Variants in LEMD1 observed in about 807,000 individuals in gnomAD.
LEMD1 encodes LEM domain-containing protein 1.
Under a neutral mutation model 17.4 loss-of-function variants are expected in LEMD1, and 18 were observed. That is an observed-to-expected ratio of 1.04 (90% CI 0.72 to 1.54). LEMD1 has a LOEUF of 1.54. Ranked by LOEUF, LEMD1 falls within the 40% of genes most tolerant of loss-of-function variation. LEMD1 has a pLI of 0.00. For missense variants in LEMD1, 195 were observed against 210.4 expected (o/e 0.93, Z 0.45); for synonymous variants, 88 against 77.8 (o/e 1.13, Z -0.69).
chr1:205,441,974 A>G lies in LEMD1; in HGVS notation c.-39+7894T>C, dbSNP rs1666300263. On this transcript the variant is annotated intron_variant, in intron 1 of 3. Coordinates refer to the LEMD1 transcript ENST00000367154. The surrounding 1 kb of genome is among the most constrained non-coding windows in gnomAD (Gnocchi z 4.3). ...TTCAGGAGCTCAGCTTCAGTCTGCA[A>G]GAGTATCCCTTTCTCCAAAGGCTCA... Among the ~76,000 whole-genome samples, 1 of 152,174 alleles carries G rather than the reference A, an allele frequency of 6.6e-6. No homozygotes were observed. The highest frequency in any genetic ancestry group is 2.1e-4 in the South Asian group (1 of 4,834).
chr1:205,389,170 T>G (rs1558708127), intron 4 of LEMD1, among the ~76,000 whole-genome samples: 1 of 145,468 alleles, frequency 6.9e-6, no homozygotes, highest in Non-Finnish European at 1.5e-5. Context: ...TGCCTCAGCC[T>G]CCCGAGTAGC....
intron 1 of LEMD1, among the ~76,000 whole-genome samples, chr1:205,439,799 G>A (rs920626555): frequency 6.6e-6 from 1 of 152,122 alleles, no homozygotes; most frequent in Non-Finnish European, 1.5e-5. Flanking sequence ...TCTAGCCCCG[G>A]AGAACTCCAG....
chr1:205,445,626 C>T (rs528340478), intron 1 of LEMD1, among the ~76,000 whole-genome samples: 26 of 152,232 alleles, frequency 1.7e-4, no homozygotes, highest in Admixed American at 9.8e-4. Context: ...GCCAAGCATT[C>T]TCAGTGGTTC....
chr1:205,392,120 A>C (rs1172608100), intron 4 of LEMD1, among the ~76,000 whole-genome samples: 2 of 151,988 alleles, frequency 1.3e-5, no homozygotes, highest in Non-Finnish European at 2.9e-5. Flanking sequence ...CAAGAAAAAC[A>C]AAAAACAAAA....
intron 4 of LEMD1, among the ~76,000 whole-genome samples, chr1:205,412,280 T>C (rs2102416864): frequency 6.6e-6 from 1 of 152,260 alleles, no homozygotes; most frequent in East Asian, 1.9e-4. Context: ...ACTCCGTTAT[T>C]GGTAACATAA....
chr1:205,443,229 C>G (rs1390607212), intron 1 of LEMD1, among the ~76,000 whole-genome samples: 1 of 152,162 alleles, frequency 6.6e-6, no homozygotes, highest in African/African-American at 2.4e-5. Context: ...TAAAACAAGC[C>G]AGGCAGGTAG....
At chr1:205,402,986 T>A (rs1664921024) in intron 4 of LEMD1, among the ~76,000 whole-genome samples, 1 of 151,806 alleles carries the variant, frequency 6.6e-6, no homozygotes, top group Non-Finnish European at 1.5e-5. Context: ...TGGTTCTGTT[T>A]ATATGCTGGA....
chr1:205,401,947 T>G (rs1350183613), intron 4 of LEMD1, among the ~76,000 whole-genome samples: 1 of 152,204 alleles, frequency 6.6e-6, no homozygotes, highest in Non-Finnish European at 1.5e-5. Flanking sequence ...CAGCACCATT[T>G]ATTAAATGGG....
chr1:205,427,616 C>T (rs899304480), intron 1 of LEMD1, among the ~76,000 whole-genome samples: 2 of 152,080 alleles, frequency 1.3e-5, no homozygotes, highest in Middle Eastern at 3.4e-3. Flanking sequence ...ACCAAGATGG[C>T]GAGAACATTG....
At chr1:205,431,723 T>C (rs1272887014) in intron 1 of LEMD1, among the ~76,000 whole-genome samples, 1 of 152,096 alleles carries the variant, frequency 6.6e-6, no homozygotes, top group Non-Finnish European at 1.5e-5. Flanking sequence ...TCTTTCTTTC[T>C]TTCTTTTTTT....
rs374760242 is a variant in LEMD1, at chr1:205,390,370, C to T, written c.271-6006G>A. Among the ~76,000 whole-genome samples the T allele has an allele frequency of 2.2e-4, 32 of 148,296 alleles. No homozygotes were observed. The East Asian group carries it at 2.9e-3, about 14-fold the overall frequency. ...ACTCTCTCTCTAAAAAAAAAAAAAA[C>T]AACAAACTTTTAGTAAACCAGGAAT... On this transcript the variant is annotated intron_variant, in intron 4 of 5. Coordinates refer to ENST00000367153, the MANE Select transcript of LEMD1 (RefSeq NM_001199050.2).
intron 4 of LEMD1, among the ~76,000 whole-genome samples, chr1:205,410,671 C>A (rs1273023102): frequency 1.3e-5 from 2 of 151,934 alleles, no homozygotes; most frequent in African/African-American, 4.8e-5. Context: ...TTACAGCCTG[C>A]GGCAAAAACT....
intron 4 of LEMD1, among the ~76,000 whole-genome samples, chr1:205,399,787 TTACA>T (rs1480082093): frequency 1.3e-5 from 2 of 152,208 alleles, no homozygotes; most frequent in African/African-American, 4.8e-5. Context: ...GAATTCATAC[TTACA>T]TGAATGAATG....
At chr1:205,388,004 C>G (rs1263470335) in intron 4 of LEMD1, among the ~76,000 whole-genome samples, 3 of 152,166 alleles carry the variant, frequency 2.0e-5, no homozygotes, top group Admixed American at 6.5e-5. Flanking sequence ...CAGATGAGAA[C>G]CCTGAGGCAT....
At chr1:205,383,949 A>ATTTT (rs112731126) in intron 5 of LEMD1, among the ~76,000 whole-genome samples, 8 of 130,804 alleles carry the variant, frequency 6.1e-5, no homozygotes, top group African/African-American at 1.4e-4. Flanking sequence ...TATCCTTTAC[A>ATTTT]TTTTTTTTTT....
chr1:205,430,263 G>T (rs189655272), intron 1 of LEMD1, among the ~76,000 whole-genome samples: 1 of 152,174 alleles, frequency 6.6e-6, no homozygotes, highest in Admixed American at 6.5e-5. Context: ...ACCAGCTCCC[G>T]TAGAAGCCCC....
intron 1 of LEMD1, among the ~76,000 whole-genome samples, chr1:205,442,734 T>C (rs770923367): frequency 8.5e-5 from 13 of 152,196 alleles, no homozygotes; most frequent in Non-Finnish European, 1.8e-4. Flanking sequence ...GGAGTATATA[T>C]AGTTAGCAGA....
chr1:205,434,362 T>TTATA (rs199923008), intron 1 of LEMD1, among the ~76,000 whole-genome samples: 19 of 144,650 alleles, frequency 1.3e-4, no homozygotes, highest in South Asian at 4.3e-4. Flanking sequence ...TATATATATA[T>TTATA]TATATATATA....
At chr1:205,411,229 G>A (rs1266971134) in intron 4 of LEMD1, among the ~76,000 whole-genome samples, 4 of 141,974 alleles carry the variant, frequency 2.8e-5, no homozygotes, top group Non-Finnish European at 6.2e-5. Flanking sequence ...GAAGGAAGGA[G>A]GGAGGGAGGG....
Sources: allele counts gnomAD v4.1 joint callset (sites outside exome capture counted in the v4.1 genomes callset), GRCh38; gene constraint gnomAD v4.1.1; non-coding constraint Gnocchi (gnomAD v3.1); transcripts MANE v1.5; gene names NCBI Gene and HGNC (gene_info 2026-07-23, HGNC 2026-07-21).